The following GNAQ variants were observed in gnomAD, a reference collection of about 807,000 sequenced individuals.
GNAQ encodes the protein G protein subunit alpha q.
GNAQ carries 8 observed loss-of-function variants against 43.9 expected under a neutral mutation model. The observed-to-expected ratio is 0.18, with a 90% confidence interval of 0.11 to 0.33. The LOEUF (loss-of-function observed/expected upper bound fraction) is 0.33. Ranked by LOEUF, GNAQ falls within the 10% of genes least tolerant of loss-of-function variation. The pLI is 1.00. For missense variants in GNAQ, 158 were observed against 450.8 expected (o/e 0.35, Z 5.88); for synonymous variants, 155 against 170.7 (o/e 0.91, Z 0.71).
At chr9:77,982,067 GC>G (rs1199070208) in intron 1 of GNAQ, among the ~76,000 whole-genome samples, 1 of 152,140 alleles carries the variant, frequency 6.6e-6, no homozygotes, top group Non-Finnish European at 1.5e-5. Context: ...GCCATCCCAG[GC>G]CAATGACTAG....
chr9:77,762,401 A>T (rs1826054176), intron 5 of GNAQ, among the ~76,000 whole-genome samples: 1 of 129,132 alleles, frequency 7.7e-6, no homozygotes, highest in South Asian at 2.8e-4. Context: ...CTGCCTGGCC[A>T]GCCACCCCAT....
intron 1 of GNAQ, among the ~76,000 whole-genome samples, chr9:77,970,458 G>T (rs887406133): frequency 1.3e-5 from 2 of 152,172 alleles, no homozygotes; most frequent in South Asian, 2.1e-4. Flanking sequence ...AGTATGGTGG[G>T]CTATAATCAA....
intron 1 of GNAQ, among the ~76,000 whole-genome samples, chr9:77,961,916 T>C (rs1215384803): frequency 6.6e-6 from 1 of 152,172 alleles, no homozygotes; most frequent in Non-Finnish European, 1.5e-5. Context: ...AAAGCAGTAC[T>C]AGTTAGGTTC....
intron 2 of GNAQ, among the ~76,000 whole-genome samples, chr9:77,859,325 C>T (rs1325527499): frequency 1.3e-5 from 2 of 152,172 alleles, no homozygotes; most frequent in Non-Finnish European, 2.9e-5. Context: ...TTATCCTATT[C>T]ACTCCCTTAA....
chr9:77,736,796 C>T (rs1587890391), intron 5 of GNAQ, among the ~76,000 whole-genome samples: 1 of 152,024 alleles, frequency 6.6e-6, no homozygotes, highest in East Asian at 1.9e-4. Context: ...ATGTGTAACC[C>T]TTTCCGATGT....
intron 1 of GNAQ, among the ~76,000 whole-genome samples, chr9:77,984,170 GCTTTT>G (rs1296696935): frequency 7.2e-6 from 1 of 138,768 alleles, no homozygotes; most frequent in East Asian, 2.2e-4. Flanking sequence ...GGATTTTTTT[GCTTTT>G]CTTTTTTTTT....
intron 3 of GNAQ, among the ~76,000 whole-genome samples, chr9:77,806,562 T>C (rs1221070399): frequency 6.6e-6 from 1 of 152,078 alleles, no homozygotes; most frequent in African/African-American, 2.4e-5. Context: ...ATGAATGCAA[T>C]AGGAAGGGAG....
intron 2 of GNAQ, among the ~76,000 whole-genome samples, chr9:77,871,572 CTTTTAATATCCT>C (rs1363952143): frequency 6.6e-6 from 1 of 152,050 alleles, no homozygotes; most frequent in Admixed American, 6.5e-5. Context: ...TTTCTGATCC[CTTTTAATATCCT>C]TTTTAATATC....
rs79036378 is a variant in GNAQ, at chr9:78,023,115, T to A, written c.136+7985A>T. 4.8e-3 allele frequency among the ~76,000 whole-genome samples: 729 copies of A among 152,276 alleles called. 5 individuals carry two copies. Among genetic ancestry groups the A allele is most frequent in the African/African-American group, 0.016 (677 of 41,554 alleles). ...GATTATCCAGCACTGGCTCACTAAC[T>A]CTCTGCTGGTAATCATGAACCAATC... On this transcript the variant is annotated intron_variant, in intron 1 of 6. Coordinates refer to ENST00000286548, the MANE Select transcript of GNAQ (RefSeq NM_002072.5).
chr9:77,767,290 A>C (rs1826152035), intron 5 of GNAQ, among the ~76,000 whole-genome samples: 1 of 152,074 alleles, frequency 6.6e-6, no homozygotes, highest in Non-Finnish European at 1.5e-5. Context: ...GTTCAGCAGC[A>C]TCCCTGACCT....
At position 78,031,026 on chromosome 9, in the gene GNAQ, G is replaced by A. The variant is rs1478928789; in HGVS notation, c.136+74C>T. ...GGCGCCGGGGGGCGGGGGCGCCGAA[G>A]GCAGCTGCCCCGCAGGGCCAAGGAT... On this transcript the variant is annotated intron_variant, in intron 1 of 6. Coordinates refer to ENST00000286548, the MANE Select transcript of GNAQ (RefSeq NM_002072.5). The A allele has an allele frequency of 1.8e-5, 20 of 1,130,912 alleles. No homozygotes were observed. In the African/African-American group the frequency reaches 3.1e-4, roughly 17 times the overall value. The allele number at this position is 1,130,912 out of a possible 1,614,324, so 70.1% of individuals were successfully genotyped here.
At chr9:77,972,360 G>A (rs1823246718) in intron 1 of GNAQ, among the ~76,000 whole-genome samples, 1 of 152,114 alleles carries the variant, frequency 6.6e-6, no homozygotes, top group Non-Finnish European at 1.5e-5. Flanking sequence ...GACCCAGGAT[G>A]CACTGTAGAG....
intron 1 of GNAQ, among the ~76,000 whole-genome samples, chr9:77,967,248 T>G (rs936226273): frequency 3.3e-5 from 5 of 152,192 alleles, no homozygotes; most frequent in Admixed American, 2.6e-4. Context: ...AGCTCTCACA[T>G]GGAGGAAAAG....
At chr9:77,898,774 C>A (rs1413368630) in intron 2 of GNAQ, among the ~76,000 whole-genome samples, 1 of 151,432 alleles carries the variant, frequency 6.6e-6, no homozygotes. Context: ...AAATAAACTG[C>A]TATTAAGAAT....
At chr9:77,843,244 TGC>T (rs1473149102) in intron 2 of GNAQ, among the ~76,000 whole-genome samples, 5 of 152,088 alleles carry the variant, frequency 3.3e-5, no homozygotes, top group Non-Finnish European at 7.4e-5. Context: ...CCTTGAGCCA[TGC>T]GGATATCTGG....
intron 1 of GNAQ, among the ~76,000 whole-genome samples, chr9:78,015,718 AACT>A (rs752540680): frequency 6.6e-6 from 1 of 152,164 alleles, no homozygotes; most frequent in Non-Finnish European, 1.5e-5. Flanking sequence ...GTTGAAAAAA[AACT>A]ACAACCACTT....
intron 2 of GNAQ, among the ~76,000 whole-genome samples, chr9:77,903,378 T>C (rs1353474913): frequency 6.6e-6 from 1 of 152,114 alleles, no homozygotes; most frequent in East Asian, 1.9e-4. Context: ...CTGAATTGTA[T>C]TTCACCTCAC....
rs574207075 is a variant in GNAQ at position 77,849,172 on chromosome 9, G to A, written c.322-33402C>T. ...CCTGCTCCAGCCGACAGCAAAGGAC[G>A]TCGATTATTTAACCGTGGAAGAGGA... On this transcript the variant is annotated intron_variant, in intron 2 of 6. Transcript: ENST00000286548. 1.2e-4 allele frequency among the ~76,000 whole-genome samples: 18 copies of A among 152,284 alleles called. No homozygotes were observed. The South Asian group carries it at 2.3e-3, about 19-fold the overall frequency.
At chr9:77,969,828 G>C (rs1292465193) in intron 1 of GNAQ, among the ~76,000 whole-genome samples, 1 of 152,182 alleles carries the variant, frequency 6.6e-6, no homozygotes, top group African/African-American at 2.4e-5. Context: ...GCAAAGTGTT[G>C]TCTTAATTTC....
Sources: gnomAD v4.1 joint callset for allele counts (sites outside exome capture counted in the v4.1 genomes callset) on GRCh38, gnomAD v4.1.1 for gene constraint, MANE v1.5 for transcripts, NCBI Gene and HGNC (gene_info 2026-07-23, HGNC 2026-07-21) for gene names.